JAZF1: variants seen among roughly 807,000 people sequenced by gnomAD.
JAZF1 encodes the protein JAZF zinc finger 1.
In JAZF1, 8 loss-of-function variants were observed where a neutral mutation model predicts 26.4. That is an observed-to-expected ratio of 0.30 (90% confidence interval 0.18 to 0.55). JAZF1 has a LOEUF of 0.55. Ranked by LOEUF, JAZF1 falls within the 20% of genes least tolerant of loss-of-function variation. The pLI is 0.94. For synonymous variants in JAZF1, 126 were observed against 122.3 expected, an observed-to-expected ratio of 1.03 and a Z score of -0.20; for missense variants, 199 against 322.0, an observed-to-expected ratio of 0.62 and a Z score of 2.92.
At chr7:28,007,838 T>C (rs866884381) in intron 1 of JAZF1, among the ~76,000 whole-genome samples, 1 of 152,186 alleles carries the variant, frequency 6.6e-6, no homozygotes, top group African/African-American at 2.4e-5. Flanking sequence ...CCATATACTT[T>C]TGCTCCCACC....
chr7:27,872,144 G>A (rs145607491), intron 3 of JAZF1, among the ~76,000 whole-genome samples: 1 of 152,216 alleles, frequency 6.6e-6, no homozygotes, highest in African/African-American at 2.4e-5. Flanking sequence ...TTTCAATAAT[G>A]AACAGCCGTC....
At chr7:27,933,281 A>C (rs1343242290) in intron 2 of JAZF1, among the ~76,000 whole-genome samples, 2 of 152,238 alleles carry the variant, frequency 1.3e-5, no homozygotes, top group Non-Finnish European at 2.9e-5. Flanking sequence ...CAAAAATAGC[A>C]AACAATCACT....
intron 3 of JAZF1, chr7:27,841,593 G>A (rs1782921835): frequency 6.6e-6 from 1 of 152,176 alleles, no homozygotes; most frequent in Non-Finnish European, 1.5e-5. Flanking sequence ...TTCCTGCTAG[G>A]GCTGACCCAT....
intron 3 of JAZF1, chr7:27,844,104 A>C (rs1456924171): frequency 6.6e-6 from 1 of 152,218 alleles, no homozygotes; most frequent in Non-Finnish European, 1.5e-5. Context: ...TGGGCAGCGT[A>C]GGGGCTGCGG....
Position 27,831,337 on chromosome 7 carries a change from A to G in JAZF1, c.*1463T>C, listed in dbSNP as rs1445500200. 3.5e-5 allele frequency: 8 copies of G among 227,050 alleles called. No individual in the cohort carries two copies. The East Asian group carries it at 4.4e-4, about 13-fold the overall frequency. 14.1% of individuals were successfully genotyped at this position (227,050 alleles called of 1,614,324 possible). Reference sequence around the variant, plus strand: ...GTAAGACTTTTCATCAAATGGGAACATGGGAAGAAACTTTATAAGCAATTT... The same window carrying G: ...GTAAGACTTTTCATCAAATGGGAACGTGGGAAGAAACTTTATAAGCAATTT... On this transcript the variant is annotated 3_prime_UTR_variant, in exon 5 of 5. Coordinates refer to ENST00000283928, the MANE Select transcript of JAZF1 (RefSeq NM_175061.4).
At chr7:27,954,439 T>A (rs1339742731) in intron 2 of JAZF1, among the ~76,000 whole-genome samples, 1 of 152,142 alleles carries the variant, frequency 6.6e-6, no homozygotes, top group Non-Finnish European at 1.5e-5. Context: ...TAATTTAGGA[T>A]GGTGGCTTTG....
At chr7:27,887,379 C>T (rs1023033553) in intron 3 of JAZF1, among the ~76,000 whole-genome samples, 1 of 152,014 alleles carries the variant, frequency 6.6e-6, no homozygotes, top group African/African-American at 2.4e-5. Context: ...AGAAAAAGAT[C>T]TATTATGATT....
intron 1 of JAZF1, among the ~76,000 whole-genome samples, chr7:28,170,337 ATGTGTG>A (rs61200785): frequency 0.031 from 3,071 of 98,026 alleles, 35 homozygotes; most frequent in Admixed American, 0.071. Flanking sequence ...AGAAGTTGAT[ATGTGTG>A]TGTGTGTGTG....
At chr7:28,047,616 G>C (rs1783518917) in intron 1 of JAZF1, among the ~76,000 whole-genome samples, 1 of 151,852 alleles carries the variant, frequency 6.6e-6, no homozygotes, top group Admixed American at 6.6e-5. Flanking sequence ...CTATATATAT[G>C]GTTACTGATA....
chr7:27,854,285 C>T (rs1472194588), intron 3 of JAZF1, among the ~76,000 whole-genome samples: 2 of 152,124 alleles, frequency 1.3e-5, no homozygotes, highest in African/African-American at 4.8e-5. Context: ...ATGGGTCTCC[C>T]GAATACAGTA....
Position 28,086,312 on chromosome 7 carries a change from A to G in JAZF1, c.115+94151T>C, listed in dbSNP as rs568702338. ...TGCAGCTGAGCTGGGTACTCATAAA[A>G]GTTTTTAAATTTTACTGTTTCCGTT... On this transcript the variant is annotated intron_variant, in intron 1 of 4. Transcript: ENST00000283928. Among the ~76,000 whole-genome samples, 82 of 152,360 alleles carry G rather than the reference A, an allele frequency of 5.4e-4. 1 individual carries two copies. In the South Asian group the frequency reaches 0.016, roughly 30 times the overall value.
chr7:27,872,051 C>T (rs1258757145), intron 3 of JAZF1, among the ~76,000 whole-genome samples: 3 of 152,162 alleles, frequency 2.0e-5, no homozygotes, highest in Admixed American at 6.5e-5. Context: ...AGCCACAGAG[C>T]GCCCATAGTC....
intron 2 of JAZF1, among the ~76,000 whole-genome samples, chr7:27,921,815 C>G (rs1429066424): frequency 6.6e-6 from 1 of 152,058 alleles, no homozygotes. Flanking sequence ...TAGGACTGCT[C>G]GAGACCAGGA....
intron 2 of JAZF1, among the ~76,000 whole-genome samples, chr7:27,959,966 A>G (rs1785162608): frequency 6.6e-6 from 1 of 152,032 alleles, no homozygotes; most frequent in African/African-American, 2.4e-5. Flanking sequence ...CTCAGATCAG[A>G]TGCCCTTTCA....
At chr7:28,099,566 T>C (rs1459314003) in intron 1 of JAZF1, among the ~76,000 whole-genome samples, 1 of 152,072 alleles carries the variant, frequency 6.6e-6, no homozygotes, top group African/African-American at 2.4e-5. Flanking sequence ...AACCTCCACC[T>C]CCCAGGTTCA....
At chr7:27,938,276 T>C (rs952259013) in intron 2 of JAZF1, among the ~76,000 whole-genome samples, 7 of 152,352 alleles carry the variant, frequency 4.6e-5, no homozygotes, top group Admixed American at 1.3e-4. Flanking sequence ...TTAGGTTATA[T>C]TGTATCCAGG....
At chr7:28,160,642 A>T (rs1187614882) in intron 1 of JAZF1, among the ~76,000 whole-genome samples, 1 of 151,646 alleles carries the variant, frequency 6.6e-6, no homozygotes, top group East Asian at 1.9e-4. Flanking sequence ...TACCAAAACC[A>T]TCTCATCAGA....
At chr7:28,080,013 CAT>C (rs1321704254) in intron 1 of JAZF1, among the ~76,000 whole-genome samples, 14 of 152,202 alleles carry the variant, frequency 9.2e-5, no homozygotes, top group African/African-American at 3.1e-4. Flanking sequence ...TGTGCAATAA[CAT>C]GTCTTTAAAA....
chr7:27,915,119 C>T (rs67705163), intron 2 of JAZF1, among the ~76,000 whole-genome samples: 15,411 of 152,140 alleles, frequency 0.1, 967 homozygotes, highest in Non-Finnish European at 0.14. Flanking sequence ...CTGCTAGACT[C>T]CCTTCTTTAT....
Sources: allele counts gnomAD v4.1 joint callset (sites outside exome capture counted in the v4.1 genomes callset), GRCh38; gene constraint gnomAD v4.1.1; transcripts MANE v1.5; gene names NCBI Gene and HGNC (gene_info 2026-07-23, HGNC 2026-07-21).